Variants in SERINC1 observed in about 807,000 individuals in gnomAD.
SERINC1 encodes the protein serine incorporator 1, also known as tumor differentially expressed protein 2.
A neutral mutation model predicts 52.9 loss-of-function variants in SERINC1; 38 were observed. That is an observed-to-expected ratio of 0.72 (90% CI 0.55 to 0.94). The LOEUF (loss-of-function observed/expected upper bound fraction) is 0.94. Among genes scored for constraint, SERINC1 ranks in the 40% least tolerant of loss-of-function variants. SERINC1 has a pLI of 0.00. For synonymous variants in SERINC1, 198 were observed against 183.1 expected (o/e 1.08, Z -0.66); for missense variants, 471 against 533.9 (o/e 0.88, Z 1.16).
chr6:122,467,138 A>G (rs1775204010), intron 1 of SERINC1, among the ~76,000 whole-genome samples: 1 of 152,212 alleles, frequency 6.6e-6, no homozygotes, highest in African/African-American at 2.4e-5. Flanking sequence ...GAGGAAATGT[A>G]CATCCTCATT....
In SERINC1 at chr6:122,444,060, C is replaced by G. The variant is rs1178207418; in HGVS notation, c.*984G>C. 6.6e-6 allele frequency: 1 copy of G among 152,236 alleles called. No individual in the cohort carries two copies. The highest frequency in any genetic ancestry group is 1.5e-5 in the Non-Finnish European group (1 of 68,192). 9.4% of individuals were successfully genotyped at this position (152,236 alleles called of 1,614,324 possible). A position where few individuals can be genotyped will look rare whatever the true frequency, so the allele number is the denominator to read the frequency against. ...CCCAGGCTAGAGTGCAGTGACGTGA[C>G]CTTGGCTCACTGCAACCTCTGCCTC... On this transcript the variant is annotated 3_prime_UTR_variant, in exon 10 of 10. Coordinates refer to ENST00000339697, the MANE Select transcript of SERINC1 (RefSeq NM_020755.4).
At chr6:122,465,998 G>A (rs950457586) in intron 1 of SERINC1, among the ~76,000 whole-genome samples, 1 of 152,144 alleles carries the variant, frequency 6.6e-6, no homozygotes, top group Non-Finnish European at 1.5e-5. Flanking sequence ...CACTTTGGGA[G>A]GCTGAGGCTG....
Position 122,455,725 on chromosome 6 carries a change from A to C in SERINC1, c.371+756T>G, listed in dbSNP as rs932325674. On this transcript the variant is annotated intron_variant, in intron 3 of 9. Coordinates refer to ENST00000339697, the MANE Select transcript of SERINC1 (RefSeq NM_020755.4). ...CCATTTTGAGAAAGATGTATTTCTCACTAATTCATTATGGAAAAATGAGAA... is the reference window on the plus strand; with the variant it reads ...CCATTTTGAGAAAGATGTATTTCTCCCTAATTCATTATGGAAAAATGAGAA... 4.6e-4 allele frequency among the ~76,000 whole-genome samples: 70 copies of C among 152,184 alleles called. 1 individual carries two copies. The highest frequency in any genetic ancestry group is 1.6e-4 in the Non-Finnish European group (11 of 68,026).
chr6:122,461,628 T>C (rs1262263477), intron 1 of SERINC1, among the ~76,000 whole-genome samples: 1 of 151,354 alleles, frequency 6.6e-6, no homozygotes, highest in Non-Finnish European at 1.5e-5. Flanking sequence ...CTGCACAATG[T>C]GCACATGTAC....
Position 122,444,977 on chromosome 6 carries a change from A to G in SERINC1, c.*67T>C. The G allele has an allele frequency of 6.7e-7, 1 of 1,500,436 alleles. No homozygotes were observed. Among genetic ancestry groups the G allele is most frequent in the Non-Finnish European group, 9.1e-7 (1 of 1,098,588 alleles). 92.9% of individuals were successfully genotyped at this position (1,500,436 alleles called of 1,614,324 possible). On this transcript the variant is annotated 3_prime_UTR_variant, in exon 10 of 10. Transcript: ENST00000339697. ...GAAGCAAAAACATACACAACTTTAC[A>G]AAAGTTGGGAATACTGTTTTCAAAT...
At chr6:122,451,621 A>T in intron 7 of SERINC1, 43 bp downstream of exon 7, 2 of 748,966 alleles carry the variant, frequency 2.7e-6, no homozygotes, top group Non-Finnish European at 4.4e-6. Context: ...GAAAAACAAC[A>T]ACTGCAGAAC....
intron 2 of SERINC1, among the ~76,000 whole-genome samples, chr6:122,457,705 G>A (rs879437493): frequency 4.6e-5 from 7 of 151,732 alleles, no homozygotes; most frequent in African/African-American, 1.7e-4. Context: ...CCCTGATCTC[G>A]GACTTTCAGC....
intron 1 of SERINC1, among the ~76,000 whole-genome samples, chr6:122,466,202 C>T (rs1409012830): frequency 3.3e-5 from 5 of 152,174 alleles, no homozygotes; most frequent in African/African-American, 1.2e-4. Context: ...GAGCCGAGAT[C>T]ACGCCACTAC....
intron 9 of SERINC1, among the ~76,000 whole-genome samples, chr6:122,445,685 T>G (rs1297028575): frequency 1.3e-5 from 2 of 150,910 alleles, no homozygotes; most frequent in Admixed American, 1.3e-4. Flanking sequence ...GATTTTTGAG[T>G]TAATGAAATA....
At chr6:122,451,074 T>C (rs1222378997) in intron 7 of SERINC1, among the ~76,000 whole-genome samples, 1 of 152,198 alleles carries the variant, frequency 6.6e-6, no homozygotes, top group Non-Finnish European at 1.5e-5. Context: ...AACAGCATCA[T>C]ATGCTACAGA....
At chr6:122,468,274 C>T (rs1326815311) in intron 1 of SERINC1, among the ~76,000 whole-genome samples, 1 of 152,086 alleles carries the variant, frequency 6.6e-6, no homozygotes, top group Admixed American at 6.5e-5. Flanking sequence ...GTTGTTATTG[C>T]TATTTTGGGC....
intron 2 of SERINC1, among the ~76,000 whole-genome samples, chr6:122,457,333 T>A (rs1164490457): frequency 6.6e-6 from 1 of 152,224 alleles, no homozygotes; most frequent in East Asian, 1.9e-4. Flanking sequence ...CTCTGCTCAC[T>A]CTGAATGATC....
At chr6:122,465,543 G>T (rs1775173963) in intron 1 of SERINC1, among the ~76,000 whole-genome samples, 1 of 152,190 alleles carries the variant, frequency 6.6e-6, no homozygotes, top group Non-Finnish European at 1.5e-5. Context: ...CCAGGTTGGA[G>T]ACTGGAAGTG....
chr6:122,471,312 T>A (rs144686190), intron 1 of SERINC1, among the ~76,000 whole-genome samples: 4 of 151,240 alleles, frequency 2.6e-5, no homozygotes, highest in African/African-American at 9.7e-5. Context: ...ACAGAGTGGG[T>A]ACCCCACCGA....
chr6:122,447,122 TG>T lies in SERINC1; in HGVS notation c.993del (p.Ser332AlafsTer13). 6.2e-7 allele frequency: 1 copy of T among 1,610,146 alleles called. No individual in the cohort carries two copies. The highest frequency in any genetic ancestry group is 8.5e-7 in the Non-Finnish European group (1 of 1,178,040). ...LILFLLCVFY[S>X]SIRTSNNSQV... ...AAAAAATTCCATAGTTTTTCCTACCTGGAATAAAATACACACAACAAAAAGA... is the reference window on the plus strand; with the variant it reads ...AAAAAATTCCATAGTTTTTCCTACCTGAATAAAATACACACAACAAAAAGA... On this transcript the variant is annotated frameshift_variant and splice_region_variant, in exon 8 of 10. Transcript: ENST00000339697. LOFTEE classifies it high-confidence loss of function.
In SERINC1 at chr6:122,446,830, G is replaced by T; in HGVS notation, c.1170C>A (p.His390Gln). 1 of 1,614,010 alleles carries T rather than the reference G, an allele frequency of 6.2e-7. No individual in the cohort carries two copies. The highest frequency in any genetic ancestry group is 1.1e-5 in the South Asian group (1 of 91,078). Residue 390 changes from histidine (H) to glutamine (Q), a missense_variant, in exon 9 of 10, where the codon CAC becomes CAA. Physicochemically the swap from His to Gln is conservative, Grantham distance 24. Transcript: ENST00000339697. The stretch of plus-strand genomic sequence containing the variant: ...AAAGTGAAGCCAGGAAAAGCATGAA[G>T]TGAAAGAAGGAATAACTGTAAGTGA... ...DGVTYSYSFF[H>Q]FMLFLASLYI...
intron 1 of SERINC1, among the ~76,000 whole-genome samples, chr6:122,470,553 A>C (rs551004376): frequency 2.6e-5 from 4 of 152,232 alleles, no homozygotes; most frequent in Non-Finnish European, 5.9e-5. Flanking sequence ...GTCAATAATT[A>C]AACTCTCTAA....
chr6:122,451,842 T>C (rs1554211269), intron 6 of SERINC1, 46 bp downstream of exon 6: 5 of 1,315,302 alleles, frequency 3.8e-6, no homozygotes, highest in Middle Eastern at 2.0e-4. Flanking sequence ...TTTGAAAACT[T>C]AAAAAGGTAT....
chr6:122,471,757 C>G lies in SERINC1; in HGVS notation c.-20G>C. 1 of 1,614,034 alleles carries G rather than the reference C, an allele frequency of 6.2e-7. No individual in the cohort carries two copies. Among genetic ancestry groups the G allele is most frequent in the African/African-American group, 1.3e-5 (1 of 75,054 alleles). ...CCCCATCTCCACAACGTCACAAGAG[C>G]AGCGGATACAGACAAGATGGAGACA... On this transcript the variant is annotated 5_prime_UTR_variant, in exon 1 of 10. Transcript: ENST00000339697.
Sources: gnomAD v4.1 joint callset for allele counts (sites outside exome capture counted in the v4.1 genomes callset) on GRCh38, gnomAD v4.1.1 for gene constraint, MANE v1.5 for transcripts, NCBI Gene and HGNC (gene_info 2026-07-23, HGNC 2026-07-21) for gene names.